The following CNTN3 variants were observed in gnomAD, a reference collection of about 807,000 sequenced individuals.
The protein encoded by CNTN3 is contactin 3.
Under a neutral mutation model 119.1 loss-of-function variants are expected in CNTN3, and 60 were observed. The observed-to-expected ratio is 0.50, with a 90% CI of 0.41 to 0.62. CNTN3 has a LOEUF of 0.62. Among genes scored for constraint, CNTN3 ranks in the 20% least tolerant of loss-of-function variants. The pLI is 0.00. For synonymous variants in CNTN3, 450 were observed against 438.7 expected (o/e 1.03, Z -0.32); for missense variants, 1,101 against 1,242.4 (o/e 0.89, Z 1.71).
chr3:74,510,800 C>T (rs959325182), intron 2 of CNTN3, among the ~76,000 whole-genome samples: 1 of 152,064 alleles, frequency 6.6e-6, no homozygotes, highest in Admixed American at 6.6e-5. Context: ...AAGTAATCAA[C>T]AAGCAATTCT....
chr3:74,296,869 A>ATTT (rs565642577), intron 18 of CNTN3, among the ~76,000 whole-genome samples: 9 of 142,696 alleles, frequency 6.3e-5, no homozygotes, highest in East Asian at 2.1e-4. Flanking sequence ...AGTTTCTGCC[A>ATTT]TTTTTTTTTT....
intron 22 of CNTN3, among the ~76,000 whole-genome samples, chr3:74,264,884 T>C (rs1199604292): frequency 3.3e-5 from 5 of 152,174 alleles, no homozygotes; most frequent in African/African-American, 1.2e-4. Flanking sequence ...ATTTTATTTA[T>C]CAATGCAGCA....
At chr3:74,496,436 T>G (rs534363748) in intron 3 of CNTN3, among the ~76,000 whole-genome samples, 7 of 152,202 alleles carry the variant, frequency 4.6e-5, no homozygotes, top group African/African-American at 7.2e-5. Flanking sequence ...ATAGACAGTT[T>G]CCAGTCATTA....
chr3:74,402,457 A>G (rs1035420687), intron 5 of CNTN3, among the ~76,000 whole-genome samples: 7 of 152,138 alleles, frequency 4.6e-5, no homozygotes, highest in African/African-American at 1.7e-4. Context: ...CTATATCACA[A>G]ACTATATCTG....
rs116038043 is a variant in CNTN3 at position 74,320,940 on chromosome 3, T to C, written c.1668+13795A>G. On this transcript the variant is annotated intron_variant, in intron 13 of 22. Transcript: ENST00000263665. ...ATTCAGCACATATTCAATAAATATA[T>C]GTTGAATTGAAAAAAAAAAAAGAAT... Among the ~76,000 whole-genome samples the C allele has an allele frequency of 6.2e-3, 929 of 150,958 alleles. 3 individuals carry two copies. The highest frequency in any genetic ancestry group is 0.022 in the African/African-American group (892 of 40,832).
At chr3:74,427,667 C>T (rs1407627985) in intron 4 of CNTN3, among the ~76,000 whole-genome samples, 1 of 152,114 alleles carries the variant, frequency 6.6e-6, no homozygotes, top group African/African-American at 2.4e-5. Context: ...AGACCGAGTG[C>T]TTTCCCCCTC....
intron 20 of CNTN3, among the ~76,000 whole-genome samples, chr3:74,267,993 T>C (rs1701697895): frequency 6.6e-6 from 1 of 152,028 alleles, no homozygotes. Context: ...TCCCATGGAG[T>C]AATAGCTATA....
At chr3:74,425,241 C>G (rs1474874381) in intron 4 of CNTN3, among the ~76,000 whole-genome samples, 1 of 152,108 alleles carries the variant, frequency 6.6e-6, no homozygotes, top group Non-Finnish European at 1.5e-5. Context: ...CCTCTCCCTT[C>G]CTCCCCACTG....
chr3:74,309,102 A>T (rs538080137), intron 13 of CNTN3, among the ~76,000 whole-genome samples: 184 of 151,790 alleles, frequency 1.2e-3, no homozygotes, highest in African/African-American at 4.2e-3. Flanking sequence ...TTTATTATTT[A>T]TTATTTATTT....
At chr3:74,404,787 G>T (rs1335935961) in intron 5 of CNTN3, among the ~76,000 whole-genome samples, 2 of 147,268 alleles carry the variant, frequency 1.4e-5, no homozygotes, top group African/African-American at 2.7e-5. Flanking sequence ...TACTAAAGCA[G>T]TTATAAAAAA....
At chr3:74,285,994 T>A (rs904515789) in intron 19 of CNTN3, among the ~76,000 whole-genome samples, 4 of 151,630 alleles carry the variant, frequency 2.6e-5, no homozygotes, top group Non-Finnish European at 5.9e-5. Flanking sequence ...AAAGATGACA[T>A]CATTTTCTTT....
chr3:74,287,435 G>C (rs1268056895), intron 19 of CNTN3, among the ~76,000 whole-genome samples: 1 of 152,030 alleles, frequency 6.6e-6, no homozygotes, highest in Non-Finnish European at 1.5e-5. Flanking sequence ...AAATGGCATT[G>C]TTCAGCCATT....
At chr3:74,366,755 T>TGC (rs1704197869) in intron 8 of CNTN3, among the ~76,000 whole-genome samples, 4 of 121,638 alleles carry the variant, frequency 3.3e-5, no homozygotes, top group African/African-American at 1.3e-4. Flanking sequence ...TTTATGTGTG[T>TGC]GTGCGTGTGT....
At chr3:74,295,735 A>C (rs1287724613) in intron 18 of CNTN3, among the ~76,000 whole-genome samples, 1 of 152,170 alleles carries the variant, frequency 6.6e-6, no homozygotes, top group Non-Finnish European at 1.5e-5. Flanking sequence ...CTTTTGAAGG[A>C]GTAGATAGAA....
chr3:74,438,532 T>G (rs1368956411), intron 4 of CNTN3, among the ~76,000 whole-genome samples: 1 of 152,218 alleles, frequency 6.6e-6, no homozygotes, highest in Non-Finnish European at 1.5e-5. Context: ...TCCAGCTAAA[T>G]TATTGCTTTC....
chr3:74,576,364 A>G (rs902800179), intron 1 of CNTN3, among the ~76,000 whole-genome samples: 3 of 152,210 alleles, frequency 2.0e-5, no homozygotes, highest in African/African-American at 7.2e-5. Context: ...CCACTTAAGA[A>G]TAAAAATATT....
chr3:74,402,052 G>A (rs1288036652), intron 5 of CNTN3, among the ~76,000 whole-genome samples: 1 of 152,140 alleles, frequency 6.6e-6, no homozygotes, highest in Non-Finnish European at 1.5e-5. Flanking sequence ...TTAGGCCCTG[G>A]GGTTCACTCC....
intron 11 of CNTN3, among the ~76,000 whole-genome samples, chr3:74,350,888 A>G (rs1703796678): frequency 6.6e-6 from 1 of 152,170 alleles, no homozygotes; most frequent in East Asian, 1.9e-4. Flanking sequence ...ACACATGGAC[A>G]TAAATATGGA....
At chr3:74,540,251 G>A (rs1703823859) in intron 1 of CNTN3, among the ~76,000 whole-genome samples, 1 of 152,058 alleles carries the variant, frequency 6.6e-6, no homozygotes, top group Non-Finnish European at 1.5e-5. Context: ...AGTAGTGGGG[G>A]CATGTGGAGA....
Sources: gnomAD v4.1 joint callset for allele counts (sites outside exome capture counted in the v4.1 genomes callset) on GRCh38, gnomAD v4.1.1 for gene constraint, MANE v1.5 for transcripts, NCBI Gene and HGNC (gene_info 2026-07-23, HGNC 2026-07-21) for gene names.